The following ADGRA3 variants were observed in gnomAD, a reference collection of about 807,000 sequenced individuals.
ADGRA3 encodes the protein adhesion G protein-coupled receptor A3.
Under a neutral mutation model 119.8 loss-of-function variants are expected in ADGRA3, and 56 were observed. The ratio of observed to expected loss-of-function variants is 0.47; its 90% confidence interval spans 0.38 to 0.58. ADGRA3 has a LOEUF of 0.58. ADGRA3 is among the 20% of genes least tolerant of loss of function. The pLI, the probability that ADGRA3 is intolerant of heterozygous loss-of-function variation, is 0.00. For missense variants in ADGRA3, 1,516 were observed against 1,649.0 expected (o/e 0.92, Z 1.40); for synonymous variants, 607 against 623.8 (o/e 0.97, Z 0.40).
chr4:22,482,432 G>A (rs1718285526), intron 1 of ADGRA3, among the ~76,000 whole-genome samples: 1 of 151,852 alleles, frequency 6.6e-6, no homozygotes, highest in South Asian at 2.1e-4. Flanking sequence ...GAGGCAGGAG[G>A]ACTGCTTGAG....
chr4:22,434,418 G>A (rs1237225872), intron 10 of ADGRA3, among the ~76,000 whole-genome samples: 1 of 151,986 alleles, frequency 6.6e-6, no homozygotes, highest in Non-Finnish European at 1.5e-5. Flanking sequence ...TTCCAAGTCA[G>A]GGCCACATTG....
At chr4:22,499,275 C>T (rs1444569683) in intron 1 of ADGRA3, among the ~76,000 whole-genome samples, 1 of 152,198 alleles carries the variant, frequency 6.6e-6, no homozygotes, top group Non-Finnish European at 1.5e-5. Context: ...GGTTTGGTTT[C>T]ATATGTAAAA....
In ADGRA3 at chr4:22,456,064, C is replaced by T. The variant is rs535753565; in HGVS notation, c.402-1127G>A. The stretch of plus-strand genomic sequence containing the variant: ...TTCTTCGAGTTACTCTTCAGTAAGG[C>T]GATCTGCACCATCCATTTCAAACTA... On this transcript the variant is annotated intron_variant, in intron 3 of 18. Coordinates refer to ENST00000334304, the MANE Select transcript of ADGRA3 (RefSeq NM_145290.4). 3.3e-5 allele frequency among the ~76,000 whole-genome samples: 5 copies of T among 152,194 alleles called. No homozygotes were observed. In the South Asian group the frequency reaches 8.3e-4, roughly 25 times the overall value.
intron 10 of ADGRA3, among the ~76,000 whole-genome samples, chr4:22,427,673 CA>C (rs1201807991): frequency 6.6e-6 from 1 of 152,100 alleles, no homozygotes; most frequent in African/African-American, 2.4e-5. Context: ...GAATATGTCA[CA>C]GTGGCAAAAA....
At chr4:22,445,275 C>G (rs1716789578) in intron 5 of ADGRA3, 142 bp from the exon 6 acceptor site, 1 of 706,162 alleles carries the variant, frequency 1.4e-6, no homozygotes, top group Admixed American at 2.3e-5. Flanking sequence ...CAACTAGCTA[C>G]AGTTTCTCTC....
intron 1 of ADGRA3, among the ~76,000 whole-genome samples, chr4:22,501,341 CAAT>C (rs33963558): frequency 0.42 from 64,114 of 151,616 alleles, 15,274 homozygotes; most frequent in East Asian, 0.6. Context: ...TGAAGGAGAA[CAAT>C]GAGAAAGGCC....
At chr4:22,397,327 G>A (rs146165182) in intron 16 of ADGRA3, among the ~76,000 whole-genome samples, 56 of 151,748 alleles carry the variant, frequency 3.7e-4, no homozygotes, top group African/African-American at 1.2e-3. Flanking sequence ...GACTACAGGC[G>A]AGCGCTACTA....
intron 10 of ADGRA3, among the ~76,000 whole-genome samples, chr4:22,429,687 A>G (rs952967228): frequency 6.6e-6 from 1 of 152,192 alleles, no homozygotes; most frequent in Admixed American, 6.5e-5. Flanking sequence ...TGGAAACACA[A>G]GTTGACCTTC....
intron 1 of ADGRA3, among the ~76,000 whole-genome samples, chr4:22,486,718 G>T (rs981734568): frequency 6.6e-6 from 1 of 152,034 alleles, no homozygotes; most frequent in African/African-American, 2.4e-5. Context: ...AATAATTACC[G>T]AGCATTTAAT....
chr4:22,505,714 A>G (rs933592008), intron 1 of ADGRA3, among the ~76,000 whole-genome samples: 8 of 152,108 alleles, frequency 5.3e-5, no homozygotes, highest in Non-Finnish European at 5.9e-5. Context: ...AGAGTATAAC[A>G]ATAGAGGAAG....
chr4:22,436,712 G>GA (rs1408691593), intron 8 of ADGRA3, 71 bp from the exon 9 acceptor site: 5 of 1,336,182 alleles, frequency 3.7e-6, no homozygotes, highest in African/African-American at 2.9e-5. Context: ...CAACAGCAGA[G>GA]AAAAAAATCA....
rs191771393 is a variant in ADGRA3 at position 22,427,115 on chromosome 4, T to C, written c.1444-2763A>G. Among the ~76,000 whole-genome samples the C allele has an allele frequency of 6.0e-4, 91 of 152,230 alleles. 1 individual carries two copies. The highest frequency in any genetic ancestry group is 3.8e-4 in the Non-Finnish European group (26 of 67,998). ...GTTATTTGAAGATTTTATGCAAAAA[T>C]AAAAGAGGTAAAAGAGATAACATGG... On this transcript the variant is annotated intron_variant, in intron 10 of 18. Transcript: ENST00000334304.
intron 1 of ADGRA3, among the ~76,000 whole-genome samples, chr4:22,484,303 T>C (rs1229819412): frequency 6.6e-6 from 1 of 152,112 alleles, no homozygotes; most frequent in Non-Finnish European, 1.5e-5. Context: ...GAAATTATTT[T>C]CAAATAAAAA....
chr4:22,413,075 T>TAAAAAAAAAAAAAAA (rs74406494), intron 14 of ADGRA3, 107 bp downstream of exon 14: 33 of 727,964 alleles, frequency 4.5e-5, no homozygotes, highest in South Asian at 2.5e-4. Flanking sequence ...ATGTTAAAAG[T>TAAAAAAAAAAAAAAA]AAAAAAAAAA....
chr4:22,493,537 T>A (rs1354627208), intron 1 of ADGRA3, among the ~76,000 whole-genome samples: 1 of 152,196 alleles, frequency 6.6e-6, no homozygotes, highest in Non-Finnish European at 1.5e-5. Flanking sequence ...TGGCAATACC[T>A]GCAGACTGGC....
intron 1 of ADGRA3, among the ~76,000 whole-genome samples, chr4:22,484,768 G>C (rs1216626740): frequency 6.6e-6 from 1 of 152,122 alleles, no homozygotes; most frequent in Non-Finnish European, 1.5e-5. Context: ...AGAGAAACCA[G>C]CTCTTAAGAA....
At chr4:22,484,046 T>C (rs1718340417) in intron 1 of ADGRA3, among the ~76,000 whole-genome samples, 1 of 152,014 alleles carries the variant, frequency 6.6e-6, no homozygotes. Context: ...AACACAGGCA[T>C]CCAAATTATA....
intron 3 of ADGRA3, 90 bp downstream of exon 3, chr4:22,461,647 A>T: frequency 1.1e-6 from 1 of 928,148 alleles, no homozygotes; most frequent in South Asian, 1.6e-5. Context: ...AAAATTATTA[A>T]ATGTCCATTT....
At chr4:22,502,418 A>T (rs1719078964) in intron 1 of ADGRA3, among the ~76,000 whole-genome samples, 1 of 152,334 alleles carries the variant, frequency 6.6e-6, no homozygotes, top group East Asian at 1.9e-4. Context: ...GCATTGAGAT[A>T]TATCACATGC....
Sources: gnomAD v4.1 joint callset for allele counts (sites outside exome capture counted in the v4.1 genomes callset) on GRCh38, gnomAD v4.1.1 for gene constraint, MANE v1.5 for transcripts, NCBI Gene and HGNC (gene_info 2026-07-23, HGNC 2026-07-21) for gene names.